Variants in CLYBL observed in about 807,000 individuals in gnomAD.
The protein encoded by CLYBL is citramalyl-CoA lyase.
CLYBL carries 31 observed loss-of-function variants against 38.9 expected under a neutral mutation model. The observed-to-expected ratio is 0.80, with a 90% CI of 0.60 to 1.08. The LOEUF (loss-of-function observed/expected upper bound fraction) is 1.08, where lower values mean the gene tolerates loss of function less well. Ranked by LOEUF, CLYBL falls within the 50% of genes least tolerant of loss-of-function variation. CLYBL has a pLI of 0.00. For synonymous variants in CLYBL, 171 were observed against 158.6 expected (o/e 1.08, Z -0.59); for missense variants, 434 against 411.6 (o/e 1.05, Z -0.47).
At chr13:99,890,109 G>C (rs1262233622) in intron 7 of CLYBL, among the ~76,000 whole-genome samples, 1 of 152,224 alleles carries the variant, frequency 6.6e-6, no homozygotes, top group Non-Finnish European at 1.5e-5. Flanking sequence ...GCTGCTTTCT[G>C]TCCGTTTAAT....
intron 1 of CLYBL, among the ~76,000 whole-genome samples, chr13:99,611,005 A>C (rs1176121828): frequency 6.6e-6 from 1 of 152,236 alleles, no homozygotes; most frequent in Non-Finnish European, 1.5e-5. Flanking sequence ...AGGAACCACA[A>C]GACAGGTCAA....
chr13:99,711,781 T>C (rs1302504629), intron 1 of CLYBL, among the ~76,000 whole-genome samples: 1 of 148,702 alleles, frequency 6.7e-6, no homozygotes, highest in African/African-American at 2.5e-5. Flanking sequence ...AGTGGTGCCA[T>C]CTTGGCTCAC....
At chr13:99,650,313 T>C (rs950633185) in intron 1 of CLYBL, among the ~76,000 whole-genome samples, 18 of 151,998 alleles carry the variant, frequency 1.2e-4, no homozygotes, top group Non-Finnish European at 2.2e-4. Flanking sequence ...TCCCAGCTAC[T>C]GGGAAGGCTA....
At chr13:99,875,827 C>G (rs2052024571) in intron 7 of CLYBL, among the ~76,000 whole-genome samples, 1 of 152,130 alleles carries the variant, frequency 6.6e-6, no homozygotes, top group Non-Finnish European at 1.5e-5. Context: ...GATAAAGGGA[C>G]ATAACTCTGT....
intron 1 of CLYBL, among the ~76,000 whole-genome samples, chr13:99,607,991 CG>C (rs1420141086): frequency 6.6e-6 from 1 of 151,712 alleles, no homozygotes; most frequent in Non-Finnish European, 1.5e-5. Context: ...GGGGTCCACC[CG>C]GATCAGCCTC....
At chr13:99,665,716 T>C (rs1265447874) in intron 1 of CLYBL, among the ~76,000 whole-genome samples, 2 of 152,232 alleles carry the variant, frequency 1.3e-5, no homozygotes, top group African/African-American at 2.4e-5. Context: ...TAATCAAATA[T>C]ACATTTTGCA....
intron 1 of CLYBL, among the ~76,000 whole-genome samples, chr13:99,677,539 T>C (rs1477289024): frequency 6.6e-6 from 1 of 152,216 alleles, no homozygotes; most frequent in African/African-American, 2.4e-5. Context: ...TTTTTGGCAG[T>C]AGTTATTAAA....
At chr13:99,836,671 A>G (rs1194535452) in intron 2 of CLYBL, among the ~76,000 whole-genome samples, 1 of 152,220 alleles carries the variant, frequency 6.6e-6, no homozygotes, top group African/African-American at 2.4e-5. Context: ...TTTCTATAAA[A>G]AGTATATATT....
intron 1 of CLYBL, among the ~76,000 whole-genome samples, chr13:99,752,158 T>A (rs1013438948): frequency 2.0e-5 from 3 of 152,140 alleles, no homozygotes; most frequent in South Asian, 2.1e-4. Context: ...TTAGCACAAC[T>A]CCATTGGGAA....
intron 1 of CLYBL, among the ~76,000 whole-genome samples, chr13:99,736,554 G>A (rs559445214): frequency 4.0e-5 from 6 of 151,856 alleles, no homozygotes; most frequent in Admixed American, 1.3e-4. Context: ...GCATGAAATC[G>A]GCAGGTAAGA....
chr13:99,711,936 A>G (rs927293748), intron 1 of CLYBL, among the ~76,000 whole-genome samples: 3 of 151,520 alleles, frequency 2.0e-5, no homozygotes, highest in African/African-American at 7.3e-5. Flanking sequence ...AGGCTGGTCT[A>G]GAACTCCTGA....
At chr13:99,774,856 A>G (rs1238843556) in intron 2 of CLYBL, among the ~76,000 whole-genome samples, 1 of 152,148 alleles carries the variant, frequency 6.6e-6, no homozygotes, top group African/African-American at 2.4e-5. Flanking sequence ...CTGTAATATG[A>G]TTTCAGTATG....
chr13:99,766,752 TTAG>T, intron 1 of CLYBL, among the ~76,000 whole-genome samples: 1 of 152,326 alleles, frequency 6.6e-6, no homozygotes, highest in Admixed American at 6.5e-5. Context: ...ACCTCAGCTC[TTAG>T]TAAACTATCA....
At chr13:99,866,754 T>TGATGGAC (rs2051757916) in intron 6 of CLYBL, among the ~76,000 whole-genome samples, 1 of 152,142 alleles carries the variant, frequency 6.6e-6, no homozygotes, top group Non-Finnish European at 1.5e-5. Flanking sequence ...GAATTTTGGT[T>TGATGGAC]GATGGACAGA....
At chr13:99,776,512 T>G (rs1441299828) in intron 2 of CLYBL, among the ~76,000 whole-genome samples, 2 of 21,510 alleles carry the variant, frequency 9.3e-5, no homozygotes, top group South Asian at 8.4e-4. Flanking sequence ...AAAAAGTTGT[T>G]TTTTTTTTTT....
At chr13:99,842,159 G>A (rs574984468) in intron 2 of CLYBL, among the ~76,000 whole-genome samples, 3 of 152,142 alleles carry the variant, frequency 2.0e-5, no homozygotes, top group Non-Finnish European at 2.9e-5. Flanking sequence ...GATGCAAGTC[G>A]ACAGTCGTGT....
chr13:99,791,192 C>A (rs2049908724), intron 2 of CLYBL, among the ~76,000 whole-genome samples: 1 of 152,032 alleles, frequency 6.6e-6, no homozygotes, highest in South Asian at 2.1e-4. Flanking sequence ...TTGACACTTG[C>A]TAGCCAGGGA....
At chr13:99,748,905 T>A (rs771529251) in intron 1 of CLYBL, among the ~76,000 whole-genome samples, 4 of 152,028 alleles carry the variant, frequency 2.6e-5, no homozygotes, top group Non-Finnish European at 5.9e-5. Context: ...AAAAAAGACT[T>A]CCAGGCAGGT....
intron 2 of CLYBL, among the ~76,000 whole-genome samples, chr13:99,799,824 G>A (rs1044236369): frequency 6.6e-6 from 1 of 152,204 alleles, no homozygotes; most frequent in Admixed American, 6.5e-5. Flanking sequence ...TGGTTTTCTG[G>A]TACAGGTTAC....
Sources: allele counts gnomAD v4.1 joint callset (sites outside exome capture counted in the v4.1 genomes callset), GRCh38; gene constraint gnomAD v4.1.1; transcripts MANE v1.5; gene names NCBI Gene and HGNC (gene_info 2026-07-23, HGNC 2026-07-21).